Variants in SHMT1 observed in about 807,000 individuals in gnomAD.
The protein encoded by SHMT1 is serine hydroxymethyltransferase, cytosolic.
In SHMT1, 45 loss-of-function variants were observed where a neutral mutation model predicts 49.0. The ratio of observed to expected loss-of-function variants is 0.92; its 90% CI spans 0.72 to 1.18. The LOEUF is 1.18. SHMT1 is among the 50% of genes most tolerant of loss of function. The probability of loss-of-function intolerance (pLI) is 0.00; values close to 1 mark genes in which losing one functional copy is unlikely to be tolerated. For missense variants in SHMT1, 541 were observed against 612.4 expected (o/e 0.88, Z 1.23); for synonymous variants, 232 against 246.6 (o/e 0.94, Z 0.55).
intron 7 of SHMT1, among the ~76,000 whole-genome samples, chr17:18,339,299 C>T (rs1376879831): frequency 1.3e-5 from 2 of 152,182 alleles, no homozygotes; most frequent in Non-Finnish European, 2.9e-5. Context: ...TCTAGTTTGA[C>T]TACTATGAGT....
intron 10 of SHMT1, 111 bp from the exon 11 acceptor site, chr17:18,329,499 G>A (rs1335197069): frequency 3.5e-6 from 3 of 852,104 alleles, no homozygotes; most frequent in South Asian, 2.9e-5. Context: ...GATACTGGCT[G>A]TCCCTAGCAA....
chr17:18,328,481 A>G lies in SHMT1; in HGVS notation c.*269T>C. The stretch of plus-strand genomic sequence containing the variant: ...GATTATGACCAAGTGGCGACATAGT[A>G]TTTTATTTTCCTAGAATTATGTCCA... On this transcript the variant is annotated 3_prime_UTR_variant, in exon 12 of 12. Transcript: ENST00000316694. The G allele has an allele frequency of 2.0e-6, 1 of 494,726 alleles. No individual in the cohort carries two copies. Among genetic ancestry groups the G allele is most frequent in the Non-Finnish European group, 3.7e-6 (1 of 272,330 alleles). 30.6% of individuals were successfully genotyped at this position (494,726 alleles called of 1,614,324 possible).
rs760211894 is a variant in SHMT1, at chr17:18,328,919, C to T, written c.1283G>A (p.Gly428Glu). The T allele has an allele frequency of 5.0e-6, 8 of 1,613,644 alleles. No homozygotes were observed. Among genetic ancestry groups the T allele is most frequent in the Non-Finnish European group, 5.9e-6 (7 of 1,179,952 alleles). ...CTGGATCTGCAGGGTCAGCTCTATC[C>T]CTGTGCCACAAGACACAAATGAGTC... ...FQKVAHFIHR[G>E]IELTLQIQSD... The change falls in exon 12 of 12, where the codon GGG becomes GAG. Residue 428 changes from glycine to glutamate, a missense_variant and splice_region_variant. Coordinates refer to ENST00000316694, the MANE Select transcript of SHMT1 (RefSeq NM_004169.5).
At chr17:18,338,508 T>TTCTGGGAAG (rs1408052624) in intron 7 of SHMT1, among the ~76,000 whole-genome samples, 2 of 137,740 alleles carry the variant, frequency 1.5e-5, no homozygotes, top group Non-Finnish European at 3.3e-5. Flanking sequence ...CGGCCGCCCC[T>TTCTGGGAAG]TCTGGGAAGT....
At chr17:18,358,948 A>G (rs1474642209) in intron 1 of SHMT1, among the ~76,000 whole-genome samples, 1 of 151,864 alleles carries the variant, frequency 6.6e-6, no homozygotes, top group African/African-American at 2.4e-5. Context: ...GTTTGAATAT[A>G]AATCTTCCTA....
At chr17:18,344,289 G>A (rs1259160617) in intron 5 of SHMT1, among the ~76,000 whole-genome samples, 1 of 152,132 alleles carries the variant, frequency 6.6e-6, no homozygotes, top group Non-Finnish European at 1.5e-5. Context: ...TTTGCTTCAG[G>A]GGTGTGGTTC....
In SHMT1 at chr17:18,330,661, G is replaced by A. The variant is rs751498930; in HGVS notation, c.1065C>T (p.Asp355=). ...GGAGATCCACAAGGATCAAATGGTT[G>A]TCAGAACCACCTGGAAACAAAGTTG... ...LGYKIVTGGS[D]NHLILVDLRS... is the part of the protein sequence containing the mutation. Residue 355 remains aspartate, a synonymous_variant, in exon 10 of 12, where the codon GAC becomes GAT. Transcript: ENST00000316694. The A allele has an allele frequency of 1.9e-6, 3 of 1,612,424 alleles. No homozygotes were observed. The highest frequency in any genetic ancestry group is 1.3e-5 in the African/African-American group (1 of 75,020).
intron 7 of SHMT1, among the ~76,000 whole-genome samples, chr17:18,338,777 G>A (rs1333639261): frequency 6.6e-6 from 1 of 152,102 alleles, no homozygotes; most frequent in Non-Finnish European, 1.5e-5. Flanking sequence ...AACATGTGCT[G>A]TGTCCACTCA....
In SHMT1 at chr17:18,340,268, A is replaced by G. The variant is rs1474474062; in HGVS notation, c.602-13T>C. The G allele has an allele frequency of 3.7e-6, 6 of 1,613,720 alleles. No individual in the cohort carries two copies. On this transcript the variant is annotated splice_polypyrimidine_tract_variant and intron_variant, in intron 6 of 11. Transcript: ENST00000316694. The surrounding 1 kb of genome is among the most constrained non-coding windows in gnomAD (Gnocchi z 4.5). The stretch of plus-strand genomic sequence containing the variant: ...TAGCAGCTGGTTCCTGAGACAGGAA[A>G]GGTGACACAGCTGCATCAGAGATGT...
rs1240918583 is a variant in SHMT1 at position 18,361,472 on chromosome 17, C to A, written c.-20+1900G>T. On this transcript the variant is annotated intron_variant, in intron 1 of 11. Transcript: ENST00000316694. ...CAGCCTGGGTGACAGAGCTAGACTC[C>A]GTTTCAAAAAAAAAAACAAAAAAGA... 6.1e-5 allele frequency among the ~76,000 whole-genome samples: 9 copies of A among 146,728 alleles called. No homozygotes were observed. In the South Asian group the frequency reaches 1.1e-3, roughly 18 times the overall value.
At position 18,340,189 on chromosome 17, in the gene SHMT1, G is replaced by A. The variant is rs1469480406; in HGVS notation, c.668C>T (p.Ala223Val). ...RLRKIADENG[A>V]YLMADMAHIS... ...GTGAGCCATGTCCGCCATGAGATAC[G>A]CCCCGTTCTCATCTGCAATCTTCCG... is the stretch of plus-strand genomic sequence containing the variant. The change falls in exon 7 of 12, where the codon GCG (alanine) becomes GTG (valine). Residue 223 changes from alanine (A) to valine (V), a missense_variant. Physicochemically the swap from Ala to Val is moderately conservative, Grantham distance 64. Coordinates refer to ENST00000316694, the MANE Select transcript of SHMT1 (RefSeq NM_004169.5). The surrounding 1 kb of genome is among the most constrained non-coding windows in gnomAD (Gnocchi z 4.5). 8.7e-6 allele frequency: 14 copies of A among 1,614,078 alleles called. No individual in the cohort carries two copies. The highest frequency in any genetic ancestry group is 2.2e-5 in the East Asian group (1 of 44,896).
In SHMT1 at chr17:18,340,895, C is replaced by T. The variant is rs1984435715; in HGVS notation, c.520-82G>A. On this transcript the variant is annotated intron_variant, in intron 5 of 11. Transcript: ENST00000316694. The surrounding 1 kb of genome is among the most constrained non-coding windows in gnomAD (Gnocchi z 4.5). ...TGTCCTCCCACTTGAACTGGCTCCA[C>T]CCACCATGACAAGAGGAATGATGTC... The T allele has an allele frequency of 3.2e-6, 3 of 947,416 alleles. No homozygotes were observed. Among genetic ancestry groups the T allele is most frequent in the Non-Finnish European group, 5.0e-6 (3 of 597,858 alleles). The allele number at this position is 947,416 out of a possible 1,614,324, so 58.7% of individuals were successfully genotyped here. A position where few individuals can be genotyped will look rare whatever the true frequency, so the allele number is the denominator to read the frequency against.
At chr17:18,332,085 G>C (rs1390660235) in intron 9 of SHMT1, 1 of 152,270 alleles carries the variant, frequency 6.6e-6, no homozygotes, top group Non-Finnish European at 1.5e-5. Context: ...ACTTCCTGCT[G>C]TGCGGCCAGG....
chr17:18,339,336 C>T (rs1039821792), intron 7 of SHMT1, among the ~76,000 whole-genome samples: 1 of 152,152 alleles, frequency 6.6e-6, no homozygotes, highest in African/African-American at 2.4e-5. Flanking sequence ...CATGATGGAT[C>T]ACTGTAAGTT....
intron 5 of SHMT1, 101 bp downstream of exon 5, chr17:18,347,395 C>T (rs1567784575): frequency 2.5e-5 from 34 of 1,334,812 alleles, no homozygotes; most frequent in Middle Eastern, 2.5e-4. Context: ...GAGGTGGGGA[C>T]TTCCTGTAGT....
At chr17:18,350,989 T>A (rs1318208873) in intron 3 of SHMT1, among the ~76,000 whole-genome samples, 1 of 152,090 alleles carries the variant, frequency 6.6e-6, no homozygotes, top group Non-Finnish European at 1.5e-5. Flanking sequence ...TGCCTCAGCC[T>A]CCCGAAGTGC....
At chr17:18,345,267 T>C (rs1438001507) in intron 5 of SHMT1, among the ~76,000 whole-genome samples, 4 of 152,124 alleles carry the variant, frequency 2.6e-5, no homozygotes, top group African/African-American at 7.2e-5. Flanking sequence ...TTCTTTCTTT[T>C]TTTTTCTGGA....
intron 5 of SHMT1, among the ~76,000 whole-genome samples, chr17:18,342,662 G>A (rs568818474): frequency 1.3e-5 from 2 of 151,992 alleles, no homozygotes; most frequent in Non-Finnish European, 2.9e-5. Context: ...ACTGCTGGGC[G>A]TGGTGGCTTA....
At chr17:18,350,325 C>T (rs555833422) in intron 3 of SHMT1, among the ~76,000 whole-genome samples, 1 of 150,692 alleles carries the variant, frequency 6.6e-6, no homozygotes, top group African/African-American at 2.4e-5. Flanking sequence ...AGTGAGACTC[C>T]GTCTCAAAAT....
Sources: allele counts gnomAD v4.1 joint callset (sites outside exome capture counted in the v4.1 genomes callset), GRCh38; gene constraint gnomAD v4.1.1; non-coding constraint Gnocchi (gnomAD v3.1); transcripts MANE v1.5; gene names NCBI Gene and HGNC (gene_info 2026-07-23, HGNC 2026-07-21).